Variants in DDAH1 observed in about 807,000 individuals in gnomAD.
DDAH1 encodes dimethylarginine dimethylaminohydrolase 1, also known as N(G),N(G)-dimethylarginine dimethylaminohydrolase 1.
A neutral mutation model predicts 28.8 loss-of-function variants in DDAH1; 19 were observed. The observed-to-expected ratio is 0.66, with a 90% CI of 0.46 to 0.97. The LOEUF is 0.97. Among genes scored for constraint, DDAH1 ranks in the 50% least tolerant of loss-of-function variants. DDAH1 has a pLI of 0.00. For missense variants in DDAH1, 326 were observed against 375.9 expected, an observed-to-expected ratio of 0.87 and a Z score of 1.10; for synonymous variants, 153 against 154.4, an observed-to-expected ratio of 0.99 and a Z score of 0.07.
intron 1 of DDAH1, among the ~76,000 whole-genome samples, chr1:85,438,907 AC>A (rs1031914468): frequency 1.3e-5 from 2 of 152,222 alleles, no homozygotes; most frequent in African/African-American, 4.8e-5. Context: ...AAGCTTTATA[AC>A]AGGATGGTAA....
At chr1:85,465,242 C>G, upstream of DDAH1, 3 of 1,097,550 alleles carry the variant, frequency 2.7e-6, no homozygotes, top group Non-Finnish European at 3.3e-6. Context: ...GGCCCGCGCG[C>G]ATCCCGCGCG....
intron 1 of DDAH1, among the ~76,000 whole-genome samples, chr1:85,561,573 A>G (rs1282129061): frequency 6.6e-6 from 1 of 152,138 alleles, no homozygotes. Context: ...GATCTCTTAC[A>G]TAATATTAAG....
Position 85,542,829 on chromosome 1 carries a change from T to G in DDAH1, c.-123+35155A>C, listed in dbSNP as rs1394702688. Among the ~76,000 whole-genome samples, 5 of 152,228 alleles carry G rather than the reference T, an allele frequency of 3.3e-5. No homozygotes were observed. In the East Asian group the frequency reaches 7.7e-4, roughly 23 times the overall value. ...GTTTTTAAACCACATCAAGGAAATCTTTGAAACAAACCTATGTTGGTTGGC... is the reference window on the plus strand; with the variant it reads ...GTTTTTAAACCACATCAAGGAAATCGTTGAAACAAACCTATGTTGGTTGGC... On this transcript the variant is annotated intron_variant, in intron 1 of 6. Transcript: ENST00000426972.
intron 1 of DDAH1, among the ~76,000 whole-genome samples, chr1:85,501,911 C>A (rs1367790820): frequency 6.6e-6 from 1 of 152,146 alleles, no homozygotes; most frequent in African/African-American, 2.4e-5. Context: ...GTTTTTAGAA[C>A]TCTAATCTTG....
At chr1:85,441,901 G>T (rs1010602087) in intron 1 of DDAH1, among the ~76,000 whole-genome samples, 2 of 152,080 alleles carry the variant, frequency 1.3e-5, no homozygotes, top group African/African-American at 4.8e-5. Flanking sequence ...CTTATAAACT[G>T]CACTTTATAA....
intron 3 of DDAH1, among the ~76,000 whole-genome samples, chr1:85,351,028 G>A (rs1649169687): frequency 6.6e-6 from 1 of 150,464 alleles, no homozygotes; most frequent in Non-Finnish European, 1.5e-5. Flanking sequence ...AAAAAAATCT[G>A]TATTTCATAA....
chr1:85,528,906 G>T (rs1459792822), intron 1 of DDAH1, among the ~76,000 whole-genome samples: 2 of 150,626 alleles, frequency 1.3e-5, no homozygotes, highest in African/African-American at 4.9e-5. Context: ...CCCCGGAGAG[G>T]GAGGTTGCAG....
intron 4 of DDAH1, among the ~76,000 whole-genome samples, chr1:85,339,551 T>C (rs1648339665): frequency 6.6e-6 from 1 of 152,124 alleles, no homozygotes; most frequent in Admixed American, 6.5e-5. Flanking sequence ...AGCAGGGCAA[T>C]GGTAGTGGGA....
At chr1:85,445,268 G>A (rs28529751) in intron 1 of DDAH1, among the ~76,000 whole-genome samples, 25,818 of 152,084 alleles carry the variant, frequency 0.17, 2,447 homozygotes, top group Middle Eastern at 0.24. Context: ...CATCACAGGG[G>A]GACATGATAG....
chr1:85,388,569 A>G (rs114794525), intron 1 of DDAH1, among the ~76,000 whole-genome samples: 11 of 152,348 alleles, frequency 7.2e-5, no homozygotes, highest in African/African-American at 2.2e-4. Context: ...CCATTTCAAA[A>G]TCTGTTGTCC....
chr1:85,533,381 G>T (rs1450732195), intron 1 of DDAH1, among the ~76,000 whole-genome samples: 1 of 151,400 alleles, frequency 6.6e-6, no homozygotes, highest in Non-Finnish European at 1.5e-5. Flanking sequence ...ATATTGTCCA[G>T]GGTGGCCTCA....
At chr1:85,570,360 A>G (rs963123662) in intron 1 of DDAH1, among the ~76,000 whole-genome samples, 1 of 104,402 alleles carries the variant, frequency 9.6e-6, no homozygotes, top group Non-Finnish European at 1.9e-5. Context: ...CAGCACACAC[A>G]CTGTCACACA....
upstream of DDAH1, among the ~76,000 whole-genome samples, chr1:85,466,004 G>A (rs1412747651): frequency 6.6e-6 from 1 of 152,202 alleles, no homozygotes; most frequent in Non-Finnish European, 1.5e-5. Context: ...CACTGCCTAA[G>A]CCTGTATTCA....
chr1:85,412,117 TA>T (rs1214673737), intron 1 of DDAH1, among the ~76,000 whole-genome samples: 1 of 152,214 alleles, frequency 6.6e-6, no homozygotes, highest in African/African-American at 2.4e-5. Flanking sequence ...AATATTTTTT[TA>T]AAAAATTAAC....
At chr1:85,577,533 A>G (rs542275497) in intron 1 of DDAH1, among the ~76,000 whole-genome samples, 2 of 152,156 alleles carry the variant, frequency 1.3e-5, no homozygotes, top group Non-Finnish European at 2.9e-5. Flanking sequence ...AGTGGTGCTC[A>G]GGGTGTGATC....
rs568835622 is a variant in DDAH1 at position 85,503,256 on chromosome 1, G to A, written c.-122-6975C>T. 2.0e-5 allele frequency among the ~76,000 whole-genome samples: 3 copies of A among 152,276 alleles called. No homozygotes were observed. The South Asian group carries it at 6.2e-4, about 32-fold the overall frequency. On this transcript the variant is annotated intron_variant, in intron 1 of 6. Coordinates refer to the DDAH1 transcript ENST00000426972. Reference sequence around the variant, plus strand: ...TTTCACTCTTGTTGCCCAAGCTGGAGTGCAATGGTGTGGTCTCAGCTCACT... The same window carrying A: ...TTTCACTCTTGTTGCCCAAGCTGGAATGCAATGGTGTGGTCTCAGCTCACT...
intron 2 of DDAH1, among the ~76,000 whole-genome samples, chr1:85,483,267 C>T (rs925816700): frequency 2.0e-5 from 3 of 148,380 alleles, no homozygotes; most frequent in Admixed American, 6.8e-5. Context: ...TTATTTTGTC[C>T]CCTTATTTTG....
chr1:85,473,436 A>G (rs1375363536), intron 2 of DDAH1, among the ~76,000 whole-genome samples: 2 of 152,188 alleles, frequency 1.3e-5, no homozygotes, highest in Admixed American at 6.5e-5. Flanking sequence ...GTAGAAGAAA[A>G]GAAAAACATT....
At chr1:85,504,804 GT>G (rs900302948) in intron 1 of DDAH1, among the ~76,000 whole-genome samples, 4 of 152,016 alleles carry the variant, frequency 2.6e-5, no homozygotes, top group African/African-American at 9.7e-5. Flanking sequence ...TGATGGCAAT[GT>G]TTCCCAGGGT....
Sources: gnomAD v4.1 joint callset for allele counts (sites outside exome capture counted in the v4.1 genomes callset) on GRCh38, gnomAD v4.1.1 for gene constraint, MANE v1.5 for transcripts, NCBI Gene and HGNC (gene_info 2026-07-23, HGNC 2026-07-21) for gene names.